The following CPLX2 variants were observed in gnomAD, a reference collection of about 807,000 sequenced individuals.
CPLX2 encodes complexin-2.
CPLX2 carries 5 observed loss-of-function variants against 16.3 expected under a neutral mutation model. The observed-to-expected ratio is 0.31, with a 90% confidence interval of 0.16 to 0.64. The LOEUF (loss-of-function observed/expected upper bound fraction) is 0.64. Among genes scored for constraint, CPLX2 ranks in the 30% least tolerant of loss-of-function variants. The pLI, the probability that CPLX2 is intolerant of heterozygous loss-of-function variation, is 0.79. For synonymous variants in CPLX2, 89 were observed against 73.2 expected (o/e 1.22, Z -1.10); for missense variants, 144 against 181.4 (o/e 0.79, Z 1.18).
At chr5:175,825,937 CAAAAAAAAAAA>C (rs35250246) in intron 2 of CPLX2, among the ~76,000 whole-genome samples, 7 of 44,420 alleles carry the variant, frequency 1.6e-4, no homozygotes, top group African/African-American at 5.8e-4. Flanking sequence ...TGAATAAGTG[CAAAAAAAAAAA>C]AAAAAAAAAA....
intron 2 of CPLX2, among the ~76,000 whole-genome samples, chr5:175,850,367 G>C (rs1017570022): frequency 2.0e-5 from 3 of 152,186 alleles, no homozygotes; most frequent in Admixed American, 2.0e-4. Context: ...GAGTGGGCGG[G>C]AGACAGAGGC....
intron 2 of CPLX2, among the ~76,000 whole-genome samples, chr5:175,854,119 C>T (rs1445174739): frequency 6.6e-6 from 1 of 152,150 alleles, no homozygotes; most frequent in Non-Finnish European, 1.5e-5. Context: ...ATGCCCGGTG[C>T]CCTGTCCCCA....
intron 1 of CPLX2, among the ~76,000 whole-genome samples, chr5:175,797,834 G>T (rs1408657842): frequency 6.6e-6 from 1 of 152,236 alleles, no homozygotes; most frequent in Non-Finnish European, 1.5e-5. Flanking sequence ...CAAGAAAAAA[G>T]GTTGAGGGCG....
At chr5:175,835,728 CTTTTTTTTTTTTTTT>C (rs71575283) in intron 2 of CPLX2, among the ~76,000 whole-genome samples, 2 of 54,770 alleles carry the variant, frequency 3.7e-5, no homozygotes, top group African/African-American at 8.4e-5. Context: ...TATTTATTTA[CTTTTTTTTTTTTTTT>C]TTTTTTTTTT....
chr5:175,866,243 G>A (rs1759474479), intron 2 of CPLX2, among the ~76,000 whole-genome samples: 1 of 152,204 alleles, frequency 6.6e-6, no homozygotes, highest in African/African-American at 2.4e-5. Context: ...GGGGTCATTG[G>A]CTAGCTCTAG....
chr5:175,818,587 G>A (rs780318898), intron 2 of CPLX2, among the ~76,000 whole-genome samples: 10 of 149,972 alleles, frequency 6.7e-5, no homozygotes, highest in Admixed American at 6.0e-4. Context: ...TTGCCATCAC[G>A]GAAGCTCCCT....
intron 2 of CPLX2, among the ~76,000 whole-genome samples, chr5:175,840,523 G>C (rs116531226): frequency 2.6e-5 from 4 of 152,242 alleles, no homozygotes; most frequent in African/African-American, 9.6e-5. Flanking sequence ...TCTAAAAGTC[G>C]GTGTATCCCA....
At chr5:175,868,104 T>C (rs1352185393), upstream of CPLX2, among the ~76,000 whole-genome samples, 1 of 152,212 alleles carries the variant, frequency 6.6e-6, no homozygotes, top group African/African-American at 2.4e-5. Flanking sequence ...AATGTCTCCC[T>C]GCACCCACCA....
At chr5:175,857,160 T>G (rs1176195452) in intron 2 of CPLX2, among the ~76,000 whole-genome samples, 1 of 152,180 alleles carries the variant, frequency 6.6e-6, no homozygotes, top group African/African-American at 2.4e-5. Context: ...CCCTGCCACC[T>G]GGGCTCCATT....
At chr5:175,824,022 G>A (rs1264316635) in intron 2 of CPLX2, among the ~76,000 whole-genome samples, 1 of 152,086 alleles carries the variant, frequency 6.6e-6, no homozygotes, top group Non-Finnish European at 1.5e-5. Context: ...TAAAGGGACC[G>A]ATCCTCCTGT....
intron 2 of CPLX2, among the ~76,000 whole-genome samples, chr5:175,832,920 C>T (rs1385453824): frequency 2.0e-5 from 3 of 152,020 alleles, no homozygotes; most frequent in Admixed American, 6.5e-5. Context: ...TTCGGGAGGC[C>T]GAGGTGGGCA....
Position 175,811,918 on chromosome 5 carries a change from A to C in CPLX2, c.-89+2850A>C, listed in dbSNP as rs193133223. Among the ~76,000 whole-genome samples, 37 of 152,342 alleles carry C rather than the reference A, an allele frequency of 2.4e-4. No individual in the cohort carries two copies. In the East Asian group the frequency reaches 6.9e-3, roughly 29 times the overall value. ...GGCAATAGAAGCCTTTCTTACTGGC[A>C]TAGAGGGATCTTTTTGGGGTACCCA... is the stretch of plus-strand genomic sequence containing the variant. On this transcript the variant is annotated intron_variant, in intron 2 of 4. Coordinates refer to the CPLX2 transcript ENST00000359546.
chr5:175,816,076 C>G (rs907152564), intron 2 of CPLX2, among the ~76,000 whole-genome samples: 8 of 152,228 alleles, frequency 5.3e-5, no homozygotes, highest in African/African-American at 1.9e-4. Context: ...GCCAGCAGCT[C>G]TCCAGGCAGC....
At chr5:175,805,468 G>A (rs1172403525) in intron 1 of CPLX2, 11 of 152,350 alleles carry the variant, frequency 7.2e-5, no homozygotes. Flanking sequence ...ACCTGTGGAG[G>A]GGAAGAAACG....
At chr5:175,853,406 G>A (rs377185633) in intron 2 of CPLX2, among the ~76,000 whole-genome samples, 3 of 152,114 alleles carry the variant, frequency 2.0e-5, no homozygotes, top group East Asian at 1.9e-4. Context: ...AGAGCTGCCC[G>A]GCCTCTTGTC....
chr5:175,805,381 T>C (rs545843245), intron 1 of CPLX2: 144 of 152,232 alleles, frequency 9.5e-4, no homozygotes, highest in African/African-American at 3.4e-3. Context: ...GCAATAAGCA[T>C]GGAAAATATA....
chr5:175,820,384 G>C (rs1220589818), intron 2 of CPLX2, among the ~76,000 whole-genome samples: 1 of 152,186 alleles, frequency 6.6e-6, no homozygotes, highest in East Asian at 1.9e-4. Context: ...TCCCTGGGTA[G>C]CAGGGTCAGC....
At chr5:175,837,637 G>A (rs1409967467) in intron 2 of CPLX2, 1 of 150,468 alleles carries the variant, frequency 6.6e-6, no homozygotes, top group African/African-American at 2.5e-5. Flanking sequence ...CTACTCAGCT[G>A]GATGGGCGTG....
At chr5:175,827,123 C>G (rs1758630483) in intron 2 of CPLX2, among the ~76,000 whole-genome samples, 1 of 152,210 alleles carries the variant, frequency 6.6e-6, no homozygotes. Context: ...AGTTCCAGAA[C>G]TGAGTCTCAT....
Sources: allele counts gnomAD v4.1 joint callset (sites outside exome capture counted in the v4.1 genomes callset), GRCh38; gene constraint gnomAD v4.1.1; transcripts MANE v1.5; gene names NCBI Gene and HGNC (gene_info 2026-07-23, HGNC 2026-07-21).